The following GRM7 variants were observed in gnomAD, a reference collection of about 807,000 sequenced individuals.
GRM7 encodes the protein glutamate metabotropic receptor 7.
Under a neutral mutation model 84.5 loss-of-function variants are expected in GRM7, and 35 were observed. That is an observed-to-expected ratio of 0.41 (90% CI 0.32 to 0.55). GRM7 has a LOEUF of 0.55. Ranked by LOEUF, GRM7 falls within the 20% of genes least tolerant of loss-of-function variation. The pLI is 0.19. For missense variants in GRM7, 1,003 were observed against 1,194.6 expected, an observed-to-expected ratio of 0.84 and a Z score of 2.36; for synonymous variants, 487 against 455.1, an observed-to-expected ratio of 1.07 and a Z score of -0.89.
At chr3:6,932,586 G>A (rs1697541337) in intron 1 of GRM7, among the ~76,000 whole-genome samples, 2 of 152,044 alleles carry the variant, frequency 1.3e-5, no homozygotes, top group South Asian at 2.1e-4. Context: ...AAAATAAAAG[G>A]TGGTTTTATG....
intron 1 of GRM7, among the ~76,000 whole-genome samples, chr3:7,099,033 G>A (rs1337701110): frequency 2.0e-5 from 3 of 151,488 alleles, no homozygotes; most frequent in Non-Finnish European, 4.4e-5. Context: ...CTGTTACTAA[G>A]TTCCTTAAAG....
chr3:7,618,905 A>G (rs1043646251), intron 8 of GRM7, among the ~76,000 whole-genome samples: 1 of 152,178 alleles, frequency 6.6e-6, no homozygotes, highest in African/African-American at 2.4e-5. Flanking sequence ...AGAAGAATGT[A>G]AATATTTAAT....
intron 2 of GRM7, among the ~76,000 whole-genome samples, chr3:7,156,298 T>G (rs1459212264): frequency 1.3e-5 from 2 of 152,234 alleles, no homozygotes; most frequent in Admixed American, 6.5e-5. Context: ...GTGTTTTCTT[T>G]ATATTGCACT....
In GRM7 at chr3:6,863,062, T is replaced by C; in HGVS notation, c.519+1155T>C. Reference sequence around the variant, plus strand: ...TTTCAGGGTCTCTGTGATTGTAGGTTCCCTCCTCTGTGTCTTTCCCTATAT... The same window carrying C: ...TTTCAGGGTCTCTGTGATTGTAGGTCCCCTCCTCTGTGTCTTTCCCTATAT... On this transcript the variant is annotated intron_variant, in intron 1 of 9. Transcript: ENST00000357716. The surrounding 1 kb of genome is among the most constrained non-coding windows in gnomAD (Gnocchi z 4.8). 2.2e-6 allele frequency: 1 copy of C among 453,192 alleles called. No individual in the cohort carries two copies. Among genetic ancestry groups the C allele is most frequent in the Non-Finnish European group, 4.4e-6 (1 of 225,588 alleles). The allele number at this position is 453,192 out of a possible 1,614,324, so 28.1% of individuals were successfully genotyped here.
At chr3:7,544,624 C>T (rs996800927) in intron 7 of GRM7, among the ~76,000 whole-genome samples, 1 of 152,162 alleles carries the variant, frequency 6.6e-6, no homozygotes, top group Non-Finnish European at 1.5e-5. Flanking sequence ...TCCCAAGTCT[C>T]GACTTATACA....
intron 2 of GRM7, among the ~76,000 whole-genome samples, chr3:7,197,212 C>T (rs1043860045): frequency 1.1e-4 from 16 of 152,300 alleles, no homozygotes; most frequent in African/African-American, 3.8e-4. Context: ...TTAGCCCAAA[C>T]TTGTGCTTAA....
chr3:7,035,802 T>C (rs185626725), intron 1 of GRM7, among the ~76,000 whole-genome samples: 32 of 152,288 alleles, frequency 2.1e-4, no homozygotes, highest in South Asian at 4.1e-4. Context: ...GTCTCAGAGT[T>C]ACCTTCCCTT....
At chr3:7,630,716 C>T (rs1697826549) in intron 8 of GRM7, among the ~76,000 whole-genome samples, 1 of 152,158 alleles carries the variant, frequency 6.6e-6, no homozygotes, top group South Asian at 2.1e-4. Flanking sequence ...GACACTGTCT[C>T]AAAAACCGTT....
intron 2 of GRM7, among the ~76,000 whole-genome samples, chr3:7,165,147 T>G (rs1354758097): frequency 6.6e-6 from 1 of 152,220 alleles, no homozygotes; most frequent in Non-Finnish European, 1.5e-5. Context: ...TTTCCAAGTT[T>G]GTCTGTTTTC....
intron 1 of GRM7, among the ~76,000 whole-genome samples, chr3:7,133,433 G>A (rs897853386): frequency 6.6e-6 from 1 of 152,142 alleles, no homozygotes; most frequent in African/African-American, 2.4e-5. Context: ...TATGCTACTG[G>A]CATCTAGGCC....
At position 6,906,337 on chromosome 3, in the gene GRM7, G is replaced by T. The variant is rs115241370; in HGVS notation, c.519+44430G>T. Among the ~76,000 whole-genome samples the T allele has an allele frequency of 8.2e-3, 1,242 of 152,228 alleles. 22 individuals carry two copies. The highest frequency in any genetic ancestry group is 0.028 in the African/African-American group (1,174 of 41,556). On this transcript the variant is annotated intron_variant, in intron 1 of 9. Coordinates refer to ENST00000357716, the MANE Select transcript of GRM7 (RefSeq NM_000844.4). ...TGAAGCTAAGTCAGTGCTGAAGTGG[G>T]TGGCCCAGGGATGAGGTTGCAGGAG...
chr3:7,312,800 A>G (rs917100741), intron 4 of GRM7, among the ~76,000 whole-genome samples: 1 of 152,126 alleles, frequency 6.6e-6, no homozygotes, highest in African/African-American at 2.4e-5. Flanking sequence ...GGGCAACTAT[A>G]TAACATTTTA....
intron 8 of GRM7, among the ~76,000 whole-genome samples, chr3:7,679,128 G>A (rs1218274683): frequency 6.6e-6 from 1 of 152,192 alleles, no homozygotes; most frequent in South Asian, 2.1e-4. Context: ...TTGAGGCTGT[G>A]AGTGCGGGCA....
At chr3:7,231,595 T>C (rs897211822) in intron 2 of GRM7, among the ~76,000 whole-genome samples, 1 of 152,184 alleles carries the variant, frequency 6.6e-6, no homozygotes, top group Non-Finnish European at 1.5e-5. Context: ...TAAACAATTA[T>C]CAAAACAGCT....
intron 9 of GRM7, chr3:7,690,953 T>C (rs184915220): frequency 7.7e-5 from 24 of 313,244 alleles, no homozygotes; most frequent in East Asian, 3.4e-4. Context: ...CCCCCAATCA[T>C]TGTGAATGAG....
intron 1 of GRM7, among the ~76,000 whole-genome samples, chr3:6,886,774 CAATAAT>C (rs146018985): frequency 1.7e-4 from 26 of 149,700 alleles, no homozygotes; most frequent in African/African-American, 3.2e-4. Flanking sequence ...TGGTCAGTAA[CAATAAT>C]AATAATAATA....
intron 1 of GRM7, among the ~76,000 whole-genome samples, chr3:7,140,067 A>G (rs528239003): frequency 2.0e-5 from 3 of 152,186 alleles, no homozygotes; most frequent in East Asian, 1.9e-4. Flanking sequence ...AAGGTGCACA[A>G]CAGCAAGGAA....
intron 1 of GRM7, among the ~76,000 whole-genome samples, chr3:7,052,231 T>TA (rs1697029810): frequency 6.6e-6 from 1 of 151,690 alleles, no homozygotes; most frequent in African/African-American, 2.4e-5. Flanking sequence ...TCCATGCTGG[T>TA]AAAAACTATT....
At chr3:7,137,806 A>G (rs1372273526) in intron 1 of GRM7, among the ~76,000 whole-genome samples, 1 of 152,108 alleles carries the variant, frequency 6.6e-6, no homozygotes, top group Admixed American at 6.6e-5. Flanking sequence ...AACGTCATTA[A>G]GAAGGAGTGT....
Sources: gnomAD v4.1 joint callset for allele counts (sites outside exome capture counted in the v4.1 genomes callset) on GRCh38, gnomAD v4.1.1 for gene constraint, Gnocchi (gnomAD v3.1) non-coding constraint, MANE v1.5 for transcripts, NCBI Gene and HGNC (gene_info 2026-07-23, HGNC 2026-07-21) for gene names.